NR2F1-AS1: variants seen among roughly 807,000 people sequenced by gnomAD.
NR2F1-AS1 encodes the protein NR2F1 antisense RNA 1.
chr5:93,571,116 T>A (rs1052602544), intron 1 of NR2F1-AS1: 1 of 152,182 alleles, frequency 6.6e-6, no homozygotes, highest in Non-Finnish European at 1.5e-5. Flanking sequence ...AGGGCCGCGC[T>A]GATCTCAGGG....
At chr5:93,509,700 T>C (rs978731389) in intron 4 of NR2F1-AS1, among the ~76,000 whole-genome samples, 8 of 152,166 alleles carry the variant, frequency 5.3e-5, no homozygotes, top group African/African-American at 1.7e-4. Context: ...TTAAATTTGG[T>C]TAAAATATTG....
intron 4 of NR2F1-AS1, among the ~76,000 whole-genome samples, chr5:93,524,236 C>G (rs1281700459): frequency 6.6e-6 from 1 of 151,600 alleles, no homozygotes; most frequent in Non-Finnish European, 1.5e-5. Flanking sequence ...CCAAATCAAT[C>G]AAGCAGAAGA....
intron 4 of NR2F1-AS1, among the ~76,000 whole-genome samples, chr5:93,508,616 A>G (rs945953014): frequency 6.6e-6 from 1 of 152,148 alleles, no homozygotes; most frequent in Non-Finnish European, 1.5e-5. Context: ...ATATTTACAC[A>G]GTAAGTTTTG....
intron 2 of NR2F1-AS1, chr5:93,555,069 T>C (rs548772180): frequency 2.0e-5 from 3 of 152,312 alleles, no homozygotes; most frequent in Non-Finnish European, 4.4e-5. Flanking sequence ...TTTTAATGGG[T>C]CATGCAGCAA....
rs200428263 is a variant in NR2F1-AS1 at position 93,559,878 on chromosome 5, T to C, written n.413+3486A>G. Among the ~76,000 whole-genome samples the C allele has an allele frequency of 1.1e-4, 17 of 152,274 alleles. No homozygotes were observed. The East Asian group carries it at 3.3e-3, about 29-fold the overall frequency. ...ACAGATACTGTAGTAATGAAAAAGTTTGAAATAGTGTGAGATTTACAAATT... is the reference window on the plus strand; with the variant it reads ...ACAGATACTGTAGTAATGAAAAAGTCTGAAATAGTGTGAGATTTACAAATT... On this transcript the variant is annotated intron_variant and non_coding_transcript_variant, in intron 2 of 5. Coordinates refer to ENST00000660523, the Ensembl canonical transcript of NR2F1-AS1.
upstream of NR2F1-AS1, chr5:93,584,176 GCGGCCC>G (rs1249306170): frequency 6.7e-6 from 1 of 148,778 alleles, no homozygotes. Flanking sequence ...GGCGCCGCGG[GCGGCCC>G]CGGCCTCCGC....
At chr5:93,533,671 G>A (rs1001025866) in intron 4 of NR2F1-AS1, among the ~76,000 whole-genome samples, 5 of 152,020 alleles carry the variant, frequency 3.3e-5, no homozygotes, top group African/African-American at 7.3e-5. Flanking sequence ...ACTTTACATC[G>A]ATTAGCTGAT....
At chr5:93,425,580 A>G (rs1438051211) in intron 4 of NR2F1-AS1, among the ~76,000 whole-genome samples, 1 of 152,174 alleles carries the variant, frequency 6.6e-6, no homozygotes, top group African/African-American at 2.4e-5. Context: ...CCATCCATCA[A>G]ATATGCCAGG....
intron 2 of NR2F1-AS1, among the ~76,000 whole-genome samples, chr5:93,555,392 A>G (rs1217289891): frequency 3.3e-5 from 5 of 152,254 alleles, no homozygotes; most frequent in African/African-American, 1.2e-4. Flanking sequence ...CTTAGTGGAA[A>G]TAAGGTAAAA....
intron 4 of NR2F1-AS1, among the ~76,000 whole-genome samples, chr5:93,431,133 A>T (rs1749304328): frequency 6.6e-6 from 1 of 152,216 alleles, no homozygotes; most frequent in South Asian, 2.1e-4. Flanking sequence ...ACAGCCATAC[A>T]GGCTATAAAC....
chr5:93,487,726 A>T (rs1371732122), intron 4 of NR2F1-AS1, among the ~76,000 whole-genome samples: 1 of 152,226 alleles, frequency 6.6e-6, no homozygotes, highest in East Asian at 1.9e-4. Context: ...CTTTCTTCAC[A>T]GAATTGGAAA....
rs941724854 is a variant in NR2F1-AS1 at position 93,471,071 on chromosome 5, T to C, written n.639-75529A>G. 5.1e-4 allele frequency among the ~76,000 whole-genome samples: 77 copies of C among 152,016 alleles called. 1 individual carries two copies. Among genetic ancestry groups the C allele is most frequent in the Admixed American group, 4.6e-4 (7 of 15,256 alleles). On this transcript the variant is annotated intron_variant and non_coding_transcript_variant, in intron 4 of 5. Coordinates refer to ENST00000660523, the Ensembl canonical transcript of NR2F1-AS1. Reference sequence around the variant, plus strand: ...ATATTTTTGAAAATCCCAGGCTAGATCACATAGTCATTAGAATGTTATTTG... The same window carrying C: ...ATATTTTTGAAAATCCCAGGCTAGACCACATAGTCATTAGAATGTTATTTG...
At chr5:93,489,900 C>T (rs1217141775) in intron 4 of NR2F1-AS1, among the ~76,000 whole-genome samples, 1 of 152,166 alleles carries the variant, frequency 6.6e-6, no homozygotes, top group Non-Finnish European at 1.5e-5. Context: ...CCCAGTTGCT[C>T]GTGATTTTAT....
At chr5:93,514,284 T>A (rs1395139167) in intron 4 of NR2F1-AS1, among the ~76,000 whole-genome samples, 1 of 152,082 alleles carries the variant, frequency 6.6e-6, no homozygotes, top group African/African-American at 2.4e-5. Context: ...AAACATGCAA[T>A]AAATTGTTAC....
chr5:93,575,084 G>A (rs975313074), intron 1 of NR2F1-AS1, among the ~76,000 whole-genome samples: 3 of 152,270 alleles, frequency 2.0e-5, no homozygotes, highest in South Asian at 2.1e-4. Flanking sequence ...CAGAGGAAGA[G>A]AGGTTGGCAG....
At chr5:93,511,528 T>C (rs569564076) in intron 4 of NR2F1-AS1, among the ~76,000 whole-genome samples, 1 of 152,338 alleles carries the variant, frequency 6.6e-6, no homozygotes, top group Middle Eastern at 3.4e-3. Context: ...ATCTCATATA[T>C]GACTGTGGTC....
At chr5:93,576,789 G>A (rs560911293) in intron 1 of NR2F1-AS1, among the ~76,000 whole-genome samples, 27 of 152,262 alleles carry the variant, frequency 1.8e-4, no homozygotes, top group African/African-American at 5.8e-4. Context: ...ACTATTAAGG[G>A]AAATGATTAT....
At chr5:93,498,712 G>A (rs990222546) in intron 4 of NR2F1-AS1, among the ~76,000 whole-genome samples, 1 of 151,916 alleles carries the variant, frequency 6.6e-6, no homozygotes, top group East Asian at 1.9e-4. Flanking sequence ...CAACAGGGAA[G>A]ACACAAGTTA....
chr5:93,559,181 G>A (rs528717876), intron 2 of NR2F1-AS1, among the ~76,000 whole-genome samples: 2 of 152,202 alleles, frequency 1.3e-5, no homozygotes, highest in African/African-American at 4.8e-5. Flanking sequence ...AGATCTTCTG[G>A]ATAACTTGCT....
Sources: gnomAD v4.1 joint callset for allele counts (sites outside exome capture counted in the v4.1 genomes callset) on GRCh38, gnomAD v4.1.1 for gene constraint, MANE v1.5 for transcripts, NCBI Gene and HGNC (gene_info 2026-07-23, HGNC 2026-07-21) for gene names.